Variants in TENM3 observed in about 807,000 individuals in gnomAD.
TENM3 encodes the protein teneurin-3.
In TENM3, 63 loss-of-function variants were observed where a neutral mutation model predicts 255.1. That is an observed-to-expected ratio of 0.25 (90% CI 0.20 to 0.30). The LOEUF (loss-of-function observed/expected upper bound fraction) is 0.30, where lower values mean the gene tolerates loss of function less well. TENM3 is among the 10% of genes least tolerant of loss of function. The pLI is 1.00. For synonymous variants in TENM3, 1,306 were observed against 1,322.3 expected (o/e 0.99, Z 0.27); for missense variants, 2,929 against 3,461.1 (o/e 0.85, Z 3.86).
At chr4:182,751,199 C>T (rs1164934473) in intron 19 of TENM3, among the ~76,000 whole-genome samples, 1 of 152,188 alleles carries the variant, frequency 6.6e-6, no homozygotes, top group Non-Finnish European at 1.5e-5. Flanking sequence ...AACTAAGACT[C>T]CCCCGTAGAC....
At chr4:182,140,481 G>A (rs1282746420), upstream of TENM3, among the ~76,000 whole-genome samples, 2 of 152,076 alleles carry the variant, frequency 1.3e-5, no homozygotes, top group South Asian at 2.1e-4. Context: ...GGTTGCAGCC[G>A]GGGCAGCAAC....
the TENM3 span, among the ~76,000 whole-genome samples, chr4:181,525,273 T>A: frequency 6.6e-6 from 1 of 151,338 alleles, no homozygotes; most frequent in Non-Finnish European, 1.5e-5. Context: ...TAGCCAGGTG[T>A]GGTAGCAGAC....
At chr4:182,647,123 C>A (rs1752822284) in intron 5 of TENM3, among the ~76,000 whole-genome samples, 1 of 152,164 alleles carries the variant, frequency 6.6e-6, no homozygotes, top group South Asian at 2.1e-4. Flanking sequence ...TCACTTCATA[C>A]CGTCTGGGTT....
At chr4:182,466,224 C>T (rs941799372) in intron 3 of TENM3, among the ~76,000 whole-genome samples, 2 of 152,196 alleles carry the variant, frequency 1.3e-5, no homozygotes, top group African/African-American at 4.8e-5. Flanking sequence ...CTTAAAACAA[C>T]AGAATTGTAG....
chr4:182,330,548 A>G (rs1763681053), intron 2 of TENM3, among the ~76,000 whole-genome samples: 1 of 152,142 alleles, frequency 6.6e-6, no homozygotes, highest in Non-Finnish European at 1.5e-5. Flanking sequence ...TGTTTTCTCA[A>G]ATGCCAAGTG....
chr4:182,354,698 G>A (rs758133269), intron 3 of TENM3, among the ~76,000 whole-genome samples: 1 of 152,022 alleles, frequency 6.6e-6, no homozygotes, highest in South Asian at 2.1e-4. Context: ...ATCAGTTGAC[G>A]AGATCGTTTT....
intron 1 of TENM3, among the ~76,000 whole-genome samples, chr4:182,209,674 C>T (rs1754851273): frequency 1.3e-5 from 2 of 152,144 alleles, no homozygotes; most frequent in East Asian, 3.9e-4. Flanking sequence ...CGTCTGTTAC[C>T]ATTTGATGGG....
chr4:182,084,030 C>T, the TENM3 span, among the ~76,000 whole-genome samples: 12 of 152,056 alleles, frequency 7.9e-5, no homozygotes, highest in Non-Finnish European at 1.8e-4. Flanking sequence ...TTTCTAAAGC[C>T]ATAAGACCTT....
At chr4:181,645,992 A>G in the TENM3 span, among the ~76,000 whole-genome samples, 1 of 152,232 alleles carries the variant, frequency 6.6e-6, no homozygotes, top group Non-Finnish European at 1.5e-5. Context: ...GCTTCCATGC[A>G]CATACCCAAC....
chr4:181,959,783 G>T, the TENM3 span, among the ~76,000 whole-genome samples: 2 of 152,156 alleles, frequency 1.3e-5, no homozygotes, highest in Non-Finnish European at 2.9e-5. Flanking sequence ...TTCAAAAGTA[G>T]AAATATATGG....
the TENM3 span, among the ~76,000 whole-genome samples, chr4:182,054,882 C>G: frequency 3.3e-5 from 5 of 152,078 alleles, no homozygotes; most frequent in African/African-American, 1.2e-4. Flanking sequence ...GGGGAAGATG[C>G]CTTTCAGGCT....
intron 1 of TENM3, among the ~76,000 whole-genome samples, chr4:182,151,402 T>C (rs1750340568): frequency 6.6e-6 from 1 of 152,066 alleles, no homozygotes; most frequent in Non-Finnish European, 1.5e-5. Flanking sequence ...TTTTAAAGAG[T>C]AACATCTATT....
chr4:182,756,658 A>G (rs893446996), intron 22 of TENM3, among the ~76,000 whole-genome samples: 1 of 152,122 alleles, frequency 6.6e-6, no homozygotes, highest in African/African-American at 2.4e-5. Context: ...TCAATATACA[A>G]ATATTTTCTG....
the TENM3 span, among the ~76,000 whole-genome samples, chr4:181,732,333 A>G: frequency 6.6e-6 from 1 of 152,196 alleles, no homozygotes; most frequent in Admixed American, 6.5e-5. Context: ...ACCCACTTCA[A>G]TACATTCTAG....
At chr4:182,026,974 A>C in the TENM3 span, among the ~76,000 whole-genome samples, 1 of 151,172 alleles carries the variant, frequency 6.6e-6, no homozygotes, top group African/African-American at 2.4e-5. Flanking sequence ...AAATTTTAGG[A>C]TTGTTTTTTA....
chr4:182,708,627 A>G (rs573727492), intron 12 of TENM3, among the ~76,000 whole-genome samples: 27 of 152,058 alleles, frequency 1.8e-4, no homozygotes, highest in Middle Eastern at 6.8e-3. Context: ...GTGAAACCCC[A>G]CCTCTACTAA....
the TENM3 span, among the ~76,000 whole-genome samples, chr4:182,036,521 G>A: frequency 6.6e-6 from 1 of 152,078 alleles, no homozygotes; most frequent in Admixed American, 6.5e-5. Context: ...ACTACATGAG[G>A]GCAAAGGCTG....
At position 182,327,315 on chromosome 4, in the gene TENM3, TTTTTTGTCCA is replaced by T. The variant is rs879622576; in HGVS notation, c.232+3065_232+3074del. Reference sequence around the variant, plus strand: ...TCCAAAGAGTCATGCTAATTTAGCTTTTTTTGTCCATGGAGTTTTAAAACAGCTGATCAGT... The same window carrying T: ...TCCAAAGAGTCATGCTAATTTAGCTTTGGAGTTTTAAAACAGCTGATCAGT... On this transcript the variant is annotated intron_variant, in intron 2 of 27. Transcript: ENST00000511685. Among the ~76,000 whole-genome samples the T allele has an allele frequency of 2.8e-3, 424 of 152,294 alleles. 2 individuals carry two copies. Among genetic ancestry groups the T allele is most frequent in the Non-Finnish European group, 4.0e-3 (271 of 68,030 alleles).
intron 6 of TENM3, among the ~76,000 whole-genome samples, chr4:182,671,848 T>TA (rs1260822092): frequency 6.6e-6 from 1 of 152,130 alleles, no homozygotes; most frequent in East Asian, 1.9e-4. Flanking sequence ...ATATTTTTTT[T>TA]AAAAAAGACA....
Sources: allele counts gnomAD v4.1 joint callset (sites outside exome capture counted in the v4.1 genomes callset), GRCh38; gene constraint gnomAD v4.1.1; transcripts MANE v1.5; gene names NCBI Gene and HGNC (gene_info 2026-07-23, HGNC 2026-07-21).